The following ARVCF variants were observed in gnomAD, a reference collection of about 807,000 sequenced individuals.
The protein encoded by ARVCF is ARVCF delta catenin family member.
Under a neutral mutation model 90.9 loss-of-function variants are expected in ARVCF, and 66 were observed. The ratio of observed to expected loss-of-function variants is 0.73; its 90% CI spans 0.60 to 0.89. The LOEUF (loss-of-function observed/expected upper bound fraction) is 0.89, where lower values mean the gene tolerates loss of function less well. Ranked by LOEUF, ARVCF falls within the 40% of genes least tolerant of loss-of-function variation. ARVCF has a pLI of 0.00. For synonymous variants in ARVCF, 653 were observed against 603.4 expected (o/e 1.08, Z -1.21); for missense variants, 1,469 against 1,382.3 (o/e 1.06, Z -1.00).
At chr22:20,003,288 A>C (rs1349557335) in intron 2 of ARVCF, among the ~76,000 whole-genome samples, 4 of 152,226 alleles carry the variant, frequency 2.6e-5, no homozygotes, top group African/African-American at 9.6e-5. Flanking sequence ...ACATTCAAGT[A>C]ATTTTAACAC....
rs1300554527 is a variant in ARVCF at position 20,016,799 on chromosome 22, T to C, written c.-283A>G. ...GCAACCCGAGACCCCGGGCCAGCCC[T>C]CCCGCCCTCACGCGGCCCGTGCGCA... On this transcript the variant is annotated 5_prime_UTR_variant, in exon 1 of 20. Coordinates refer to ENST00000263207, the MANE Select transcript of ARVCF (RefSeq NM_001670.3). The C allele has an allele frequency of 1.3e-5, 2 of 150,230 alleles. No individual in the cohort carries two copies. Among genetic ancestry groups the C allele is most frequent in the African/African-American group, 2.5e-5 (1 of 40,686 alleles). 9.3% of individuals were successfully genotyped at this position (150,230 alleles called of 1,614,324 possible). A position where few individuals can be genotyped will look rare whatever the true frequency, so the allele number is the denominator to read the frequency against.
In ARVCF at chr22:20,007,196, C is replaced by T. The variant is rs372830768; in HGVS notation, c.-19+3259G>A. 1.6e-4 allele frequency among the ~76,000 whole-genome samples: 25 copies of T among 151,946 alleles called. No homozygotes were observed. In the East Asian group the frequency reaches 4.1e-3, roughly 25 times the overall value. ...GGAGGATCACCTGAGGTCAGGAGTTCGACACCAGCCTGGACATGGTGAAAT... is the reference window on the plus strand; with the variant it reads ...GGAGGATCACCTGAGGTCAGGAGTTTGACACCAGCCTGGACATGGTGAAAT... On this transcript the variant is annotated intron_variant, in intron 2 of 19. Transcript: ENST00000263207.
chr22:20,015,063 C>T (rs1441897485), intron 1 of ARVCF, among the ~76,000 whole-genome samples: 1 of 152,124 alleles, frequency 6.6e-6, no homozygotes, highest in Non-Finnish European at 1.5e-5. Flanking sequence ...TCAAATTTAG[C>T]AGGATTGAGG....
chr22:19,978,089 A>C lies in ARVCF; in HGVS notation c.1581-14T>G. On this transcript the variant is annotated splice_polypyrimidine_tract_variant and intron_variant, in intron 7 of 19. Coordinates refer to ENST00000263207, the MANE Select transcript of ARVCF (RefSeq NM_001670.3). ...GAGCTCACATTCCTGTGTGGCCAAG[A>C]GCAGGCCAGGTGACCCCTGGCTACC... The C allele has an allele frequency of 6.3e-7, 1 of 1,591,830 alleles. No individual in the cohort carries two copies. Among genetic ancestry groups the C allele is most frequent in the Non-Finnish European group, 8.6e-7 (1 of 1,168,710 alleles).
rs924875593 is a variant in ARVCF at position 19,995,869 on chromosome 22, G to A, written c.-18-5057C>T. ...TTTCCCCTCCACCCTTCCCTACAAG[G>A]AGGAAATGATGCCAGAAGTGCCCTG... is the stretch of plus-strand genomic sequence containing the variant. On this transcript the variant is annotated intron_variant, in intron 2 of 19. Transcript: ENST00000263207. 2.6e-5 allele frequency among the ~76,000 whole-genome samples: 4 copies of A among 152,172 alleles called. 1 individual carries two copies. The highest frequency in any genetic ancestry group is 4.1e-4 in the South Asian group (2 of 4,832).
At chr22:19,999,187 C>A (rs908337310) in intron 2 of ARVCF, among the ~76,000 whole-genome samples, 1 of 152,220 alleles carries the variant, frequency 6.6e-6, no homozygotes, top group Admixed American at 6.5e-5. Flanking sequence ...CCTGCCCCCA[C>A]CCACTGACTG....
downstream of ARVCF, chr22:19,968,749 C>A (rs754031677): frequency 1.1e-5 from 18 of 1,577,212 alleles, no homozygotes; most frequent in Admixed American, 2.9e-4. Context: ...GCCCCCCCGG[C>A]CCCCCTCTCG....
chr22:19,995,850 C>T (rs1258986723), intron 2 of ARVCF, among the ~76,000 whole-genome samples: 1 of 152,150 alleles, frequency 6.6e-6, no homozygotes, highest in African/African-American at 2.4e-5. Flanking sequence ...CCCCTTTCCC[C>T]TCCACCCTTC....
At chr22:19,983,285 C>G (rs1195667767) in intron 3 of ARVCF, among the ~76,000 whole-genome samples, 2 of 152,224 alleles carry the variant, frequency 1.3e-5, no homozygotes, top group Non-Finnish European at 2.9e-5. Context: ...ACAATGGGTC[C>G]CTTGCCTGGG....
At chr22:19,994,821 G>A (rs1305039340) in intron 2 of ARVCF, among the ~76,000 whole-genome samples, 4 of 151,570 alleles carry the variant, frequency 2.6e-5, no homozygotes, top group African/African-American at 9.7e-5. Flanking sequence ...ATGGATGGAT[G>A]GGTGGGTAGG....
intron 2 of ARVCF, among the ~76,000 whole-genome samples, chr22:20,005,811 A>AAG (rs1569193499): frequency 6.6e-6 from 1 of 151,802 alleles, no homozygotes. Flanking sequence ...AAAAAAAAAA[A>AAG]GAATTGAAAG....
intron 2 of ARVCF, among the ~76,000 whole-genome samples, chr22:20,001,311 C>G (rs935129987): frequency 6.6e-6 from 1 of 152,136 alleles, no homozygotes; most frequent in Admixed American, 6.5e-5. Flanking sequence ...CTGCAGACCC[C>G]GAGCTTGCAC....
chr22:20,005,794 T>A (rs1384157175), intron 2 of ARVCF, among the ~76,000 whole-genome samples: 234 of 115,596 alleles, frequency 2.0e-3, no homozygotes, highest in African/African-American at 6.3e-3. Context: ...AGACTCCGTC[T>A]AAAAAAAAAA....
At chr22:19,992,631 C>G (rs373168265) in intron 2 of ARVCF, among the ~76,000 whole-genome samples, 33 of 152,198 alleles carry the variant, frequency 2.2e-4, no homozygotes, top group African/African-American at 7.7e-4. Context: ...CCATCTCAGC[C>G]GAACCTCAGA....
chr22:19,969,037 T>G, downstream of ARVCF: 1 of 274,776 alleles, frequency 3.6e-6, no homozygotes, highest in East Asian at 9.6e-5. Context: ...TAACTCGACT[T>G]AGTACATCCT....
intron 19 of ARVCF, 146 bp downstream of exon 19, chr22:19,971,070 A>G (rs1009414789): frequency 1.5e-6 from 2 of 1,352,150 alleles, no homozygotes; most frequent in East Asian, 5.1e-5. Context: ...CTTTCCGGGA[A>G]TGGGCCACTG....
chr22:19,979,306 T>A (rs1943346146), intron 6 of ARVCF: 2 of 580,710 alleles, frequency 3.4e-6, no homozygotes, highest in Admixed American at 3.2e-5. Flanking sequence ...GGCAGTGCTG[T>A]CCCGTCCCAC....
At position 20,016,742 on chromosome 22, in the gene ARVCF, C is replaced by CGGG. The variant is rs1228180325; in HGVS notation, c.-229_-227dup. 6.6e-6 allele frequency: 1 copy of CGGG among 151,198 alleles called. No individual in the cohort carries two copies. The highest frequency in any genetic ancestry group is 1.9e-4 in the East Asian group (1 of 5,136). The allele number at this position is 151,198 out of a possible 1,614,324, so 9.4% of individuals were successfully genotyped here. A position where few individuals can be genotyped will look rare whatever the true frequency, so the allele number is the denominator to read the frequency against. ...CACGCGGCCGCAACTCGGACCGGTG[C>CGGG]GGGGGCCGCCCCCTCCCTCCAGGCC... On this transcript the variant is annotated 5_prime_UTR_variant, in exon 1 of 20. Transcript: ENST00000263207.
intron 2 of ARVCF, among the ~76,000 whole-genome samples, chr22:20,007,552 C>T (rs568002458): frequency 4.3e-4 from 65 of 152,212 alleles, no homozygotes; most frequent in Non-Finnish European, 6.9e-4. Flanking sequence ...TAATTCCCAA[C>T]GCAACAGTGT....
Sources: gnomAD v4.1 joint callset for allele counts (sites outside exome capture counted in the v4.1 genomes callset) on GRCh38, gnomAD v4.1.1 for gene constraint, MANE v1.5 for transcripts, NCBI Gene and HGNC (gene_info 2026-07-23, HGNC 2026-07-21) for gene names.